The following GALNT17 variants were observed in gnomAD, a reference collection of about 807,000 sequenced individuals.
GALNT17 encodes the protein UDP-GalNAc:polypeptide N-acetylgalactosaminyltransferase-like 3.
A neutral mutation model predicts 63.7 loss-of-function variants in GALNT17; 29 were observed. That is an observed-to-expected ratio of 0.46 (90% confidence interval 0.34 to 0.62). The LOEUF is 0.62. Among genes scored for constraint, GALNT17 ranks in the 20% least tolerant of loss-of-function variants. GALNT17 has a pLI of 0.01. For synonymous variants in GALNT17, 305 were observed against 318.3 expected, an observed-to-expected ratio of 0.96 and a Z score of 0.45; for missense variants, 603 against 799.6, an observed-to-expected ratio of 0.75 and a Z score of 2.97.
intron 5 of GALNT17, among the ~76,000 whole-genome samples, chr7:71,558,054 A>G (rs1403156132): frequency 6.6e-6 from 1 of 152,190 alleles, no homozygotes; most frequent in African/African-American, 2.4e-5. Flanking sequence ...AGCCTGGGCC[A>G]CAGAGCGAGA....
intron 5 of GALNT17, among the ~76,000 whole-genome samples, chr7:71,565,856 T>A (rs1329449255): frequency 6.6e-6 from 1 of 150,854 alleles, no homozygotes; most frequent in African/African-American, 2.4e-5. Flanking sequence ...TTTTTTTTTT[T>A]TTTTTGAAAC....
At chr7:71,357,004 A>G (rs2116210728) in intron 2 of GALNT17, among the ~76,000 whole-genome samples, 1 of 151,836 alleles carries the variant, frequency 6.6e-6, no homozygotes, top group Middle Eastern at 3.4e-3. Context: ...CTGGTCTCAA[A>G]CTCCTGACCG....
At chr7:71,323,671 C>T (rs1276969994) in intron 1 of GALNT17, among the ~76,000 whole-genome samples, 2 of 152,156 alleles carry the variant, frequency 1.3e-5, no homozygotes, top group South Asian at 2.1e-4. Flanking sequence ...AATGAAACGG[C>T]GCTTACCCAT....
chr7:71,487,923 T>C (rs1218790367), intron 5 of GALNT17, among the ~76,000 whole-genome samples: 6 of 152,026 alleles, frequency 3.9e-5, no homozygotes, highest in Non-Finnish European at 8.8e-5. Context: ...ATTCCAGTGA[T>C]TCAGGAGGCT....
At chr7:71,292,653 C>CAGAG (rs776918310) in intron 1 of GALNT17, among the ~76,000 whole-genome samples, 3 of 127,102 alleles carry the variant, frequency 2.4e-5, no homozygotes, top group East Asian at 6.2e-4. Context: ...GAGAGAGAGA[C>CAGAG]AGAGAGAGAG....
chr7:71,549,983 G>A (rs1789049467), intron 5 of GALNT17, among the ~76,000 whole-genome samples: 1 of 151,234 alleles, frequency 6.6e-6, no homozygotes, highest in South Asian at 2.1e-4. Context: ...AATGCACAGA[G>A]CTCAACATAC....
chr7:71,670,903 C>T (rs55788705), intron 8 of GALNT17, among the ~76,000 whole-genome samples: 713 of 69,174 alleles, frequency 0.01, 5 homozygotes, highest in African/African-American at 0.041. Flanking sequence ...TGTGTGTGTG[C>T]GTGTGTGTGT....
Position 71,451,358 on chromosome 7 carries a change from C to T in GALNT17, c.962+30253C>T, listed in dbSNP as rs190018752. Among the ~76,000 whole-genome samples the T allele has an allele frequency of 3.0e-4, 45 of 152,258 alleles. 5 individuals are homozygous for T. The highest frequency in any genetic ancestry group is 2.9e-3 in the East Asian group (15 of 5,188). ...AGTCTATGCCAGTTTTCTACTCTGTCGCAGAAAGTTTTCTTGACCATTCTT... is the reference window on the plus strand; with the variant it reads ...AGTCTATGCCAGTTTTCTACTCTGTTGCAGAAAGTTTTCTTGACCATTCTT... On this transcript the variant is annotated intron_variant, in intron 5 of 10. Transcript: ENST00000333538.
rs112172886 is a variant in GALNT17 at position 71,288,021 on chromosome 7, C to T, written c.239-47529C>T. ...GAGCCGAGATCACACCACTTCACTC[C>T]AGACTGGTGACAGAGCGAGACTGTC... On this transcript the variant is annotated intron_variant, in intron 1 of 10. Coordinates refer to ENST00000333538, the MANE Select transcript of GALNT17 (RefSeq NM_022479.3). Among the ~76,000 whole-genome samples the T allele has an allele frequency of 2.6e-3, 359 of 138,154 alleles. 2 individuals are homozygous for T. Among genetic ancestry groups the T allele is most frequent in the African/African-American group, 9.9e-3 (328 of 33,040 alleles). The allele number at this position is 138,154 out of a possible 152,430, so 90.6% of individuals were successfully genotyped here.
chr7:71,525,332 G>A (rs377475228), intron 5 of GALNT17, among the ~76,000 whole-genome samples: 56 of 152,012 alleles, frequency 3.7e-4, no homozygotes, highest in Non-Finnish European at 1.6e-4. Context: ...GTACAGGCCC[G>A]CCACCATGCC....
intron 7 of GALNT17, among the ~76,000 whole-genome samples, 191 bp downstream of exon 7, chr7:71,665,787 GA>G (rs1445015753): frequency 6.6e-6 from 1 of 152,150 alleles, no homozygotes; most frequent in East Asian, 1.9e-4. Flanking sequence ...TAGCACAATG[GA>G]AGTCTCTTTA....
intron 1 of GALNT17, among the ~76,000 whole-genome samples, chr7:71,334,157 G>A (rs1410834553): frequency 2.0e-5 from 3 of 152,164 alleles, no homozygotes; most frequent in Admixed American, 2.0e-4. Context: ...TCGTCTGACG[G>A]TGCTCGTTCA....
At chr7:71,467,634 T>C (rs1341252538) in intron 5 of GALNT17, among the ~76,000 whole-genome samples, 1 of 152,158 alleles carries the variant, frequency 6.6e-6, no homozygotes, top group Non-Finnish European at 1.5e-5. Context: ...CCTGCTTATC[T>C]GACCCCTTCC....
chr7:71,553,295 C>T (rs559473139), intron 5 of GALNT17, among the ~76,000 whole-genome samples: 1 of 152,120 alleles, frequency 6.6e-6, no homozygotes, highest in South Asian at 2.1e-4. Context: ...CCACCTCCCT[C>T]CAGCCTGGGG....
chr7:71,302,463 A>G (rs965340684), intron 1 of GALNT17, among the ~76,000 whole-genome samples: 1 of 152,200 alleles, frequency 6.6e-6, no homozygotes, highest in South Asian at 2.1e-4. Context: ...AGTTCTCTAC[A>G]TGGCGGCCTT....
chr7:71,231,973 G>A (rs1562934295), intron 1 of GALNT17, among the ~76,000 whole-genome samples: 1 of 152,128 alleles, frequency 6.6e-6, no homozygotes, highest in Non-Finnish European at 1.5e-5. Flanking sequence ...CATTGGGGAA[G>A]TAGGTTCTCA....
In GALNT17 at chr7:71,616,787, C is replaced by A. The variant is rs936888997; in HGVS notation, c.1080+45385C>A. On this transcript the variant is annotated intron_variant, in intron 6 of 10. Coordinates refer to ENST00000333538, the MANE Select transcript of GALNT17 (RefSeq NM_022479.3). The stretch of plus-strand genomic sequence containing the variant: ...TTATATATTATGTGTTAATATGTAA[C>A]TAATATATTAGTGTATACATTAGTT... Among the ~76,000 whole-genome samples the A allele has an allele frequency of 1.9e-4, 21 of 110,820 alleles. No individual in the cohort carries two copies. In the East Asian group the frequency reaches 4.3e-3, roughly 23 times the overall value. 72.7% of individuals were successfully genotyped at this position (110,820 alleles called of 152,430 possible). A position where few individuals can be genotyped will look rare whatever the true frequency, so the allele number is the denominator to read the frequency against.
chr7:71,263,792 C>G (rs1315521874), intron 1 of GALNT17, among the ~76,000 whole-genome samples: 1 of 152,038 alleles, frequency 6.6e-6, no homozygotes, highest in Non-Finnish European at 1.5e-5. Flanking sequence ...GGCGTGGTGG[C>G]AGGCGCCTGT....
intron 1 of GALNT17, among the ~76,000 whole-genome samples, chr7:71,153,270 C>T (rs553028225): frequency 4.6e-5 from 7 of 152,232 alleles, no homozygotes; most frequent in African/African-American, 1.4e-4. Flanking sequence ...ATGATAAGGA[C>T]GGTGTAAGGT....
Sources: allele counts gnomAD v4.1 joint callset (sites outside exome capture counted in the v4.1 genomes callset), GRCh38; gene constraint gnomAD v4.1.1; transcripts MANE v1.5; gene names NCBI Gene and HGNC (gene_info 2026-07-23, HGNC 2026-07-21).